The following DLGAP2 variants were observed in gnomAD, a reference collection of about 807,000 sequenced individuals.
The protein encoded by DLGAP2 is DLG associated protein 2, also known as disks large-associated protein 2.
Under a neutral mutation model 100.3 loss-of-function variants are expected in DLGAP2, and 26 were observed. That is an observed-to-expected ratio of 0.26 (90% CI 0.19 to 0.36). DLGAP2 has a LOEUF of 0.36. Ranked by LOEUF, DLGAP2 falls within the 10% of genes least tolerant of loss-of-function variation. The probability of loss-of-function intolerance (pLI) is 1.00; values close to 1 mark genes in which losing one functional copy is unlikely to be tolerated. For missense variants in DLGAP2, 1,858 were observed against 1,453.2 expected (o/e 1.28, Z -4.53); for synonymous variants, 886 against 630.1 (o/e 1.41, Z -6.08).
intron 4 of DLGAP2, among the ~76,000 whole-genome samples, chr8:1,527,308 C>A (rs1322324562): frequency 6.6e-6 from 1 of 152,258 alleles, no homozygotes; most frequent in Non-Finnish European, 1.5e-5. Flanking sequence ...CCGGCTCCAG[C>A]CAGAGGCCCT....
At chr8:946,823 G>A (rs2129006569) in intron 2 of DLGAP2, among the ~76,000 whole-genome samples, 1 of 152,326 alleles carries the variant, frequency 6.6e-6, no homozygotes, top group South Asian at 2.1e-4. Flanking sequence ...CACACAGATA[G>A]AAACAGCAAT....
At chr8:1,329,488 C>T (rs555669049) in intron 3 of DLGAP2, among the ~76,000 whole-genome samples, 57 of 152,230 alleles carry the variant, frequency 3.7e-4, no homozygotes, top group Admixed American at 1.4e-3. Flanking sequence ...ATCATTTCTT[C>T]CCAAGAGTTT....
chr8:791,719 GA>G (rs1822031896), intron 1 of DLGAP2, among the ~76,000 whole-genome samples: 4 of 152,118 alleles, frequency 2.6e-5, no homozygotes, highest in Admixed American at 2.6e-4. Context: ...TTTTATTTGG[GA>G]GTAATTTCAC....
chr8:1,357,356 T>C (rs190855962), intron 3 of DLGAP2, among the ~76,000 whole-genome samples: 21 of 151,646 alleles, frequency 1.4e-4, no homozygotes, highest in African/African-American at 4.3e-4. Flanking sequence ...CCTGTTCACC[T>C]AAACCAGATA....
chr8:1,115,600 G>T (rs1233132996), intron 2 of DLGAP2, among the ~76,000 whole-genome samples: 1 of 152,180 alleles, frequency 6.6e-6, no homozygotes, highest in Non-Finnish European at 1.5e-5. Context: ...AAATACAGTG[G>T]TGGCATCTTT....
intron 2 of DLGAP2, among the ~76,000 whole-genome samples, chr8:1,156,814 T>C (rs1036548758): frequency 6.6e-6 from 1 of 152,154 alleles, no homozygotes; most frequent in African/African-American, 2.4e-5. Context: ...CAGGTGGCAT[T>C]TTTCATCCAG....
intron 2 of DLGAP2, among the ~76,000 whole-genome samples, chr8:1,176,844 C>G (rs560960909): frequency 2.0e-5 from 3 of 152,120 alleles, no homozygotes; most frequent in Non-Finnish European, 4.4e-5. Context: ...TGGCTTCTTT[C>G]CACCCTCTCA....
At chr8:1,323,118 C>T (rs1292871295) in intron 3 of DLGAP2, among the ~76,000 whole-genome samples, 2 of 151,896 alleles carry the variant, frequency 1.3e-5, no homozygotes. Flanking sequence ...CAACCTCCGC[C>T]TCCCAGGTTC....
In DLGAP2 at chr8:895,152, A is replaced by C. The variant is rs1199095973; in HGVS notation, c.19-12760A>C. On this transcript the variant is annotated intron_variant, in intron 1 of 14. Transcript: ENST00000637795. The stretch of plus-strand genomic sequence containing the variant: ...CAGAGCTGCATATTTCAGAACAGCC[A>C]GAAGAGGGGATTTAAAATGTTCTCA... 2.6e-5 allele frequency among the ~76,000 whole-genome samples: 4 copies of C among 151,924 alleles called. No individual in the cohort carries two copies. The South Asian group carries it at 8.3e-4, about 32-fold the overall frequency.
intron 2 of DLGAP2, among the ~76,000 whole-genome samples, chr8:1,229,983 C>T (rs112738022): frequency 6.6e-6 from 1 of 152,174 alleles, no homozygotes; most frequent in East Asian, 1.9e-4. Flanking sequence ...CCCACTCTCA[C>T]CACTCCTATT....
chr8:1,127,474 C>T (rs938796019), intron 2 of DLGAP2, among the ~76,000 whole-genome samples: 2 of 152,200 alleles, frequency 1.3e-5, no homozygotes, highest in African/African-American at 2.4e-5. Flanking sequence ...TAGAGCCTCG[C>T]GTTGCTTTTC....
rs140069646 is a variant in DLGAP2 at position 1,502,984 on chromosome 8, G to A, written c.172+1553G>A. Among the ~76,000 whole-genome samples, 1,507 of 152,264 alleles carry A rather than the reference G, an allele frequency of 9.9e-3. 14 individuals carry two copies. The highest frequency in any genetic ancestry group is 0.024 in the Middle Eastern group (7 of 294). On this transcript the variant is annotated intron_variant, in intron 4 of 14. Coordinates refer to ENST00000637795, the MANE Select transcript of DLGAP2 (RefSeq NM_001346810.2). ...GAAACAAGAGTGCAGGAGTCACTCTGGGGAGGCCAGCTTTGCCTGGATTCT... is the reference window on the plus strand; with the variant it reads ...GAAACAAGAGTGCAGGAGTCACTCTAGGGAGGCCAGCTTTGCCTGGATTCT...
intron 1 of DLGAP2, among the ~76,000 whole-genome samples, chr8:841,291 G>T (rs1238015094): frequency 6.6e-6 from 1 of 152,200 alleles, no homozygotes; most frequent in Non-Finnish European, 1.5e-5. Flanking sequence ...TGGCATCTCA[G>T]TGCATTGTGA....
At chr8:1,682,039 T>C (rs1047411734) in intron 12 of DLGAP2, among the ~76,000 whole-genome samples, 9 of 152,132 alleles carry the variant, frequency 5.9e-5, no homozygotes, top group African/African-American at 2.2e-4. Context: ...GTCAAGAAGT[T>C]CCCTTATGGG....
chr8:1,204,090 C>G (rs1455026105), intron 2 of DLGAP2, among the ~76,000 whole-genome samples: 1 of 152,216 alleles, frequency 6.6e-6, no homozygotes, highest in African/African-American at 2.4e-5. Flanking sequence ...GGGTCTGGAG[C>G]GGGACCTGAA....
chr8:1,370,040 C>G (rs1018340279), intron 3 of DLGAP2, among the ~76,000 whole-genome samples: 3 of 152,108 alleles, frequency 2.0e-5, no homozygotes, highest in African/African-American at 4.8e-5. Flanking sequence ...TCCCCAGTTG[C>G]GGTCCAGCCC....
chr8:1,570,889 A>C (rs1286321626), intron 6 of DLGAP2, among the ~76,000 whole-genome samples: 1 of 143,262 alleles, frequency 7.0e-6, no homozygotes, highest in Non-Finnish European at 1.5e-5. Flanking sequence ...AGAGGGGTGA[A>C]CTGGAGGGGC....
chr8:1,354,011 A>G (rs750762500), intron 3 of DLGAP2, among the ~76,000 whole-genome samples: 1 of 152,166 alleles, frequency 6.6e-6, no homozygotes, highest in Non-Finnish European at 1.5e-5. Context: ...TTTATGATGG[A>G]GTGGCAGTGG....
intron 2 of DLGAP2, among the ~76,000 whole-genome samples, chr8:1,050,946 G>T (rs924440040): frequency 1.4e-5 from 2 of 147,192 alleles, no homozygotes; most frequent in South Asian, 2.3e-4. Flanking sequence ...TGGGTGGGGG[G>T]TCATTTTGTG....
Sources: allele counts gnomAD v4.1 joint callset (sites outside exome capture counted in the v4.1 genomes callset), GRCh38; gene constraint gnomAD v4.1.1; transcripts MANE v1.5; gene names NCBI Gene and HGNC (gene_info 2026-07-23, HGNC 2026-07-21).